EPHA6: variants seen among roughly 807,000 people sequenced by gnomAD.
EPHA6 encodes the protein EPH receptor A6, also known as ephrin type-A receptor 6.
In EPHA6, 50 loss-of-function variants were observed where a neutral mutation model predicts 112.0. That is an observed-to-expected ratio of 0.45 (90% confidence interval 0.36 to 0.56). The LOEUF (loss-of-function observed/expected upper bound fraction) is 0.56, where lower values mean the gene tolerates loss of function less well. EPHA6 is among the 20% of genes least tolerant of loss of function. The pLI is 0.00. For missense variants in EPHA6, 1,280 were observed against 1,417.4 expected (o/e 0.90, Z 1.56); for synonymous variants, 529 against 490.7 (o/e 1.08, Z -1.03).
In EPHA6 at chr3:96,987,563, G is replaced by A; in HGVS notation, c.684G>A (p.Glu228=). ...ATCTGTTTTATATGGAATCAGATGA[G>A]TCCCACGGAATTAAATTCAAGCCAA... ...TFNLFYMESD[E]SHGIKFKPNQ... The change falls in exon 3 of 18, where the codon GAG becomes GAA. Residue 228 remains glutamate, a synonymous_variant. Coordinates refer to ENST00000389672, the MANE Select transcript of EPHA6 (RefSeq NM_001080448.3). 6.2e-7 allele frequency: 1 copy of A among 1,613,916 alleles called. No individual in the cohort carries two copies. The highest frequency in any genetic ancestry group is 8.5e-7 in the Non-Finnish European group (1 of 1,179,848).
At chr3:96,986,510 A>C (rs931206196) in intron 2 of EPHA6, among the ~76,000 whole-genome samples, 1 of 152,060 alleles carries the variant, frequency 6.6e-6, no homozygotes, top group Non-Finnish European at 1.5e-5. Flanking sequence ...AAGTTTCACT[A>C]TCTCATCTCT....
intron 14 of EPHA6, among the ~76,000 whole-genome samples, chr3:97,719,931 T>A (rs1320323711): frequency 6.6e-6 from 1 of 152,184 alleles, no homozygotes; most frequent in Admixed American, 6.5e-5. Flanking sequence ...GATATTTAGT[T>A]TTAATGTCCT....
intron 3 of EPHA6, among the ~76,000 whole-genome samples, chr3:97,193,506 T>C (rs913938960): frequency 1.3e-5 from 2 of 152,144 alleles, no homozygotes; most frequent in Non-Finnish European, 2.9e-5. Context: ...GCAACTTTAC[T>C]GAGTTTATCA....
At chr3:97,698,981 A>C (rs1345615813) in intron 14 of EPHA6, among the ~76,000 whole-genome samples, 3 of 152,252 alleles carry the variant, frequency 2.0e-5, no homozygotes, top group African/African-American at 4.8e-5. Context: ...TAAATGGCCC[A>C]GTGTTACACA....
At chr3:97,664,405 T>G (rs1363389026) in intron 14 of EPHA6, among the ~76,000 whole-genome samples, 1 of 152,190 alleles carries the variant, frequency 6.6e-6, no homozygotes, top group Non-Finnish European at 1.5e-5. Context: ...CTTTGAAAAC[T>G]GGTACAAGAC....
At chr3:97,194,480 G>T (rs1037323830) in intron 3 of EPHA6, among the ~76,000 whole-genome samples, 2 of 151,856 alleles carry the variant, frequency 1.3e-5, no homozygotes, top group African/African-American at 2.4e-5. Context: ...TTGTTTCATG[G>T]CCTAACATAT....
chr3:97,245,117 T>C (rs2078950873), intron 5 of EPHA6, among the ~76,000 whole-genome samples: 2 of 152,026 alleles, frequency 1.3e-5, no homozygotes, highest in Admixed American at 6.6e-5. Flanking sequence ...ATAAAACTAT[T>C]TTTATACACC....
At chr3:97,233,968 A>C (rs547707204) in intron 4 of EPHA6, among the ~76,000 whole-genome samples, 15 of 152,178 alleles carry the variant, frequency 9.9e-5, no homozygotes, top group Admixed American at 2.0e-4. Flanking sequence ...CCGGTTCCTT[A>C]GTGATTTTCT....
chr3:97,227,438 C>G (rs901040840), intron 4 of EPHA6, among the ~76,000 whole-genome samples: 1 of 152,136 alleles, frequency 6.6e-6, no homozygotes, highest in Non-Finnish European at 1.5e-5. Flanking sequence ...CCAGGCTGGT[C>G]TCGAACTCCT....
chr3:97,299,050 T>C (rs1056503330), intron 5 of EPHA6, among the ~76,000 whole-genome samples: 1 of 152,216 alleles, frequency 6.6e-6, no homozygotes, highest in African/African-American at 2.4e-5. Context: ...TGCCAGTTGA[T>C]GATCTTATAA....
chr3:97,716,709 T>A (rs1483358507), intron 14 of EPHA6, among the ~76,000 whole-genome samples: 1 of 152,074 alleles, frequency 6.6e-6, no homozygotes, highest in East Asian at 1.9e-4. Context: ...ATAAACTGTA[T>A]CCCGTATATA....
chr3:97,576,844 GT>G (rs958198477), intron 11 of EPHA6, among the ~76,000 whole-genome samples: 22 of 152,104 alleles, frequency 1.4e-4, no homozygotes, highest in African/African-American at 5.3e-4. Flanking sequence ...TCACTCATCA[GT>G]TTTTAAGTGT....
intron 7 of EPHA6, among the ~76,000 whole-genome samples, chr3:97,458,913 T>C (rs2090789660): frequency 6.6e-6 from 1 of 152,172 alleles, no homozygotes; most frequent in Non-Finnish European, 1.5e-5. Flanking sequence ...ACCAGTTCCC[T>C]GCTTTCACAA....
At chr3:97,324,409 C>CTTTCTTTCTTTCTT (rs2082274724) in intron 5 of EPHA6, among the ~76,000 whole-genome samples, 1 of 98,180 alleles carries the variant, frequency 1.0e-5, no homozygotes, top group African/African-American at 4.0e-5. Context: ...TCCTTCTTTT[C>CTTTCTTTCTTTCTT]TTTCTTTCTT....
rs554489048 is a variant in EPHA6 at position 97,728,187 on chromosome 3, G to A, written c.2935-7738G>A. ...TTTCCATAGCTTTTAGATATTTTTA[G>A]TGGAGCCAGGAAATGTATTATTTAG... is the stretch of plus-strand genomic sequence containing the variant. On this transcript the variant is annotated intron_variant, in intron 15 of 17. Transcript: ENST00000389672. Among the ~76,000 whole-genome samples the A allele has an allele frequency of 7.1e-4, 108 of 151,534 alleles. 1 individual carries two copies. Among genetic ancestry groups the A allele is most frequent in the Non-Finnish European group, 1.6e-4 (11 of 67,874 alleles).
chr3:96,857,949 G>T (rs1259612036), intron 1 of EPHA6, among the ~76,000 whole-genome samples: 1 of 152,072 alleles, frequency 6.6e-6, no homozygotes, highest in Non-Finnish European at 1.5e-5. Flanking sequence ...TTCAGGAATA[G>T]AATTTAGTTG....
rs145284572 is a variant in EPHA6 at position 97,506,849 on chromosome 3, T to G, written c.2200+22790T>G. Reference sequence around the variant, plus strand: ...TTTGTGTCCTCTCTTATTTCCTTGATCAGTGGTTTGTAGTTCTCCTTGAAG... The same window carrying G: ...TTTGTGTCCTCTCTTATTTCCTTGAGCAGTGGTTTGTAGTTCTCCTTGAAG... On this transcript the variant is annotated intron_variant, in intron 10 of 17. Transcript: ENST00000389672. Among the ~76,000 whole-genome samples, 993 of 152,250 alleles carry G rather than the reference T, an allele frequency of 6.5e-3. 12 individuals carry two copies. The highest frequency in any genetic ancestry group is 0.022 in the African/African-American group (914 of 41,544).
intron 10 of EPHA6, among the ~76,000 whole-genome samples, chr3:97,506,562 C>A (rs964936288): frequency 3.3e-5 from 5 of 152,114 alleles, no homozygotes; most frequent in Admixed American, 6.6e-5. Context: ...GGTACCAGTA[C>A]CATGCTGTTT....
chr3:96,928,099 T>G (rs560820085), intron 2 of EPHA6, among the ~76,000 whole-genome samples: 84 of 152,278 alleles, frequency 5.5e-4, no homozygotes, highest in Middle Eastern at 3.4e-3. Flanking sequence ...CATGATCACC[T>G]CTCGCCAGGT....
Sources: gnomAD v4.1 joint callset for allele counts (sites outside exome capture counted in the v4.1 genomes callset) on GRCh38, gnomAD v4.1.1 for gene constraint, MANE v1.5 for transcripts, NCBI Gene and HGNC (gene_info 2026-07-23, HGNC 2026-07-21) for gene names.